Variants in ATP1A4 observed in about 807,000 individuals in gnomAD.
ATP1A4 encodes the protein ATPase Na+/K+ transporting subunit alpha 4.
In ATP1A4, 90 loss-of-function variants were observed where a neutral mutation model predicts 114.3. The ratio of observed to expected loss-of-function variants is 0.79; its 90% CI spans 0.66 to 0.94. The LOEUF is 0.94. Ranked by LOEUF, ATP1A4 falls within the 40% of genes least tolerant of loss-of-function variation. The pLI is 0.00. For synonymous variants in ATP1A4, 511 were observed against 494.1 expected (o/e 1.03, Z -0.45); for missense variants, 1,222 against 1,313.6 (o/e 0.93, Z 1.08).
At chr1:160,178,655 C>A (rs950514799) in intron 18 of ATP1A4, among the ~76,000 whole-genome samples, 2 of 151,346 alleles carry the variant, frequency 1.3e-5, no homozygotes, top group East Asian at 3.9e-4. Flanking sequence ...AGCCTGGCAA[C>A]AGAGCGAGAC....
At chr1:160,157,839 A>T (rs1404845788) in intron 4 of ATP1A4, among the ~76,000 whole-genome samples, 1 of 152,164 alleles carries the variant, frequency 6.6e-6, no homozygotes, top group Admixed American at 6.5e-5. Context: ...AACTTCTCTG[A>T]AAGTTTAAAA....
rs1413709720 is a variant in ATP1A4, at chr1:160,153,804, G to GA, written c.207+584dup. Reference sequence around the variant, plus strand: ...GTGATGTTATGCCAGTTGGCCTTCAGAAAATTCCACTATATACTCTTAAGA... The same window carrying GA: ...GTGATGTTATGCCAGTTGGCCTTCAGAAAAATTCCACTATATACTCTTAAGA... On this transcript the variant is annotated intron_variant, in intron 2 of 21. Coordinates refer to ENST00000368081, the MANE Select transcript of ATP1A4 (RefSeq NM_144699.4). 2.0e-5 allele frequency among the ~76,000 whole-genome samples: 3 copies of GA among 152,244 alleles called. No individual in the cohort carries two copies. The East Asian group carries it at 5.8e-4, about 29-fold the overall frequency.
chr1:160,168,084 T>C (rs1309140141), intron 10 of ATP1A4, among the ~76,000 whole-genome samples: 1 of 151,778 alleles, frequency 6.6e-6, no homozygotes, highest in Non-Finnish European at 1.5e-5. Context: ...CGGGGAGGAG[T>C]GGACAAGAGC....
intron 6 of ATP1A4, among the ~76,000 whole-genome samples, chr1:160,161,203 T>C (rs1379567202): frequency 6.6e-6 from 1 of 152,228 alleles, no homozygotes; most frequent in African/African-American, 2.4e-5. Flanking sequence ...TTACCCTAGA[T>C]CAATTTGCCC....
rs527303426 is a variant in ATP1A4, at chr1:160,186,086, C to CAAAAAAAAAAAAAAAAAAAA, written c.2970-187_2970-168dup. 1.2e-3 allele frequency among the ~76,000 whole-genome samples: 40 copies of CAAAAAAAAAAAAAAAAAAAA among 32,790 alleles called. 7 individuals are homozygous for CAAAAAAAAAAAAAAAAAAAA. The highest frequency in any genetic ancestry group is 1.5e-3 in the Non-Finnish European group (29 of 19,700). The allele number at this position is 32,790 out of a possible 152,430, so 21.5% of individuals were successfully genotyped here. The stretch of plus-strand genomic sequence containing the variant: ...TGGGCAACAGAACAAGACTCTGTCG[C>CAAAAAAAAAAAAAAAAAAAA]AAAAAAAAAAAAAAAAAAAAAAGGG... On this transcript the variant is annotated intron_variant, in intron 20 of 21. Transcript: ENST00000368081.
intron 4 of ATP1A4, among the ~76,000 whole-genome samples, chr1:160,157,933 T>C (rs141124114): frequency 2.6e-5 from 4 of 152,280 alleles, no homozygotes; most frequent in African/African-American, 9.6e-5. Context: ...GACTGGAAAC[T>C]TGCAAAGGAA....
At chr1:160,154,707 G>A (rs1652573717) in intron 2 of ATP1A4, among the ~76,000 whole-genome samples, 1 of 152,104 alleles carries the variant, frequency 6.6e-6, no homozygotes, top group Non-Finnish European at 1.5e-5. Flanking sequence ...TTATCTGTAT[G>A]TATTTATCTC....
chr1:160,171,152 T>A, intron 10 of ATP1A4, 99 bp from the exon 11 acceptor site: 1 of 1,137,670 alleles, frequency 8.8e-7, no homozygotes, highest in Non-Finnish European at 1.3e-6. Flanking sequence ...AATGGGGGTA[T>A]GAAACACATT....
intron 6 of ATP1A4, 129 bp downstream of exon 6, chr1:160,159,655 C>A: frequency 1.4e-6 from 1 of 729,774 alleles, no homozygotes; most frequent in Non-Finnish European, 2.3e-6. Context: ...CCATCACGAG[C>A]TGTATGACCT....
At chr1:160,175,392 T>C (rs1300294888) in intron 15 of ATP1A4, among the ~76,000 whole-genome samples, 1 of 152,050 alleles carries the variant, frequency 6.6e-6, no homozygotes, top group Non-Finnish European at 1.5e-5. Flanking sequence ...CTTTGCTTGG[T>C]ATTTTATATC....
chr1:160,185,561 G>A (rs1199774739), intron 20 of ATP1A4, among the ~76,000 whole-genome samples: 2 of 152,042 alleles, frequency 1.3e-5, no homozygotes, highest in African/African-American at 2.4e-5. Context: ...TGAGGCGGGT[G>A]GACTGCCTGA....
intron 2 of ATP1A4, among the ~76,000 whole-genome samples, chr1:160,154,100 G>A (rs926546330): frequency 5.3e-5 from 8 of 152,214 alleles, no homozygotes; most frequent in South Asian, 2.1e-4. Context: ...GCCAGGTGCC[G>A]TGGCTCACAC....
chr1:160,181,006 A>G (rs1355087515), intron 18 of ATP1A4, among the ~76,000 whole-genome samples: 3 of 151,642 alleles, frequency 2.0e-5, no homozygotes, highest in East Asian at 1.9e-4. Flanking sequence ...GAGCCACCAC[A>G]CGCCCAGCCT....
At chr1:160,154,987 G>A in intron 2 of ATP1A4, 58 bp from the exon 3 acceptor site, 3 of 1,538,370 alleles carry the variant, frequency 2.0e-6, no homozygotes, top group Non-Finnish European at 2.7e-6. Context: ...GTTCCCTTTT[G>A]CTATGGCTGT....
chr1:160,157,026 C>T (rs1457577405), intron 4 of ATP1A4, among the ~76,000 whole-genome samples: 3 of 152,100 alleles, frequency 2.0e-5, no homozygotes, highest in Non-Finnish European at 2.9e-5. Flanking sequence ...ATTGCTTGAG[C>T]ACGGAAGGCA....
rs1182496346 is a variant in ATP1A4, at chr1:160,176,585, T to C, written c.2573T>C (p.Met858Thr). 1 of 1,614,124 alleles carries C rather than the reference T, an allele frequency of 6.2e-7. No individual in the cohort carries two copies. The highest frequency in any genetic ancestry group is 1.3e-5 in the African/African-American group (1 of 75,036). Residue 858 changes from methionine (M) to threonine (T), a missense_variant, in exon 17 of 22, where the codon ATG becomes ACG. Physicochemically the swap from Met to Thr is moderately conservative, Grantham distance 81. Transcript: ENST00000368081. The part of the protein sequence containing the change: ...DNLVNHRLIG[M>T]AYGQIGMIQA... ...CTGGTGAACCACCGTCTCATTGGCA[T>C]GGCCTATGGACAGATTGGTGCGCCC...
At position 160,171,643 on chromosome 1, in the gene ATP1A4, T is replaced by C. The variant is rs1653265182; in HGVS notation, c.1740T>C (p.Asp580=). The change falls in exon 12 of 22, where the codon GAT becomes GAC. Residue 580 remains aspartate (D), a synonymous_variant. Coordinates refer to ENST00000368081, the MANE Select transcript of ATP1A4 (RefSeq NM_144699.4). ...SFSKGFPFNT[D]EINFPMDNLC... ...CCAAGGGATTCCCATTTAATACAGA[T>C]GAAATAAATTTCCCCATGGACAACC... is the stretch of plus-strand genomic sequence containing the variant. 6.2e-7 allele frequency: 1 copy of C among 1,614,192 alleles called. No homozygotes were observed. Among genetic ancestry groups the C allele is most frequent in the Non-Finnish European group, 8.5e-7 (1 of 1,180,034 alleles).
chr1:160,159,172 G>A (rs1652780494), intron 5 of ATP1A4, 36 bp downstream of exon 5: 1 of 1,602,882 alleles, frequency 6.2e-7, no homozygotes, highest in Non-Finnish European at 8.5e-7. Context: ...AGGGACCCAA[G>A]CGTGATCTCA....
At chr1:160,165,577 G>A (rs971918304) in intron 7 of ATP1A4, among the ~76,000 whole-genome samples, 2 of 151,870 alleles carry the variant, frequency 1.3e-5, no homozygotes, top group African/African-American at 2.4e-5. Flanking sequence ...GGCTAACACG[G>A]TGAAACCCCG....
Sources: gnomAD v4.1 joint callset for allele counts (sites outside exome capture counted in the v4.1 genomes callset) on GRCh38, gnomAD v4.1.1 for gene constraint, MANE v1.5 for transcripts, NCBI Gene and HGNC (gene_info 2026-07-23, HGNC 2026-07-21) for gene names.